Variants in KCNMA1 observed in about 807,000 individuals in gnomAD.
KCNMA1 encodes the protein potassium calcium-activated channel subfamily M alpha 1, also known as Calcium-activated potassium channel subunit alpha-1.
A neutral mutation model predicts 140.0 loss-of-function variants in KCNMA1; 29 were observed. The observed-to-expected ratio is 0.21, with a 90% confidence interval of 0.15 to 0.28. The LOEUF (loss-of-function observed/expected upper bound fraction) is 0.28. Ranked by LOEUF, KCNMA1 falls within the 10% of genes least tolerant of loss-of-function variation. The pLI is 1.00. For missense variants in KCNMA1, 880 were observed against 1,602.2 expected (o/e 0.55, Z 7.70); for synonymous variants, 612 against 611.9 (o/e 1.00, Z 0.00).
intron 1 of KCNMA1, chr10:77,493,681 G>A (rs816851): frequency 0.11 from 16,225 of 152,240 alleles, 1,173 homozygotes; most frequent in African/African-American, 0.18. Context: ...AACCCAGCAC[G>A]GGGAGCCGTG....
intron 1 of KCNMA1, among the ~76,000 whole-genome samples, chr10:77,432,071 C>T (rs1041234309): frequency 6.6e-6 from 1 of 152,136 alleles, no homozygotes; most frequent in African/African-American, 2.4e-5. Flanking sequence ...TACAGCAAGC[C>T]TCTCACACCT....
chr10:77,138,108 G>T (rs2098087003), intron 5 of KCNMA1, among the ~76,000 whole-genome samples: 1 of 152,132 alleles, frequency 6.6e-6, no homozygotes, highest in Non-Finnish European at 1.5e-5. Context: ...CAGAGTCACT[G>T]CTTCCACCAC....
chr10:77,097,190 G>A (rs969388793), intron 9 of KCNMA1, among the ~76,000 whole-genome samples: 2 of 152,170 alleles, frequency 1.3e-5, no homozygotes, highest in South Asian at 4.1e-4. Context: ...CTGATTTGGG[G>A]CATGTCCTTC....
chr10:76,911,662 T>C (rs910614777), intron 24 of KCNMA1: 2 of 152,242 alleles, frequency 1.3e-5, no homozygotes, highest in Admixed American at 1.3e-4. Context: ...CTTCTGACAT[T>C]AAATACCTGT....
intron 5 of KCNMA1, among the ~76,000 whole-genome samples, chr10:77,182,371 G>A (rs866287607): frequency 2.0e-5 from 3 of 152,270 alleles, no homozygotes; most frequent in Admixed American, 6.5e-5. Flanking sequence ...CAGAGCTGAC[G>A]GAATGTCCAT....
chr10:77,573,161 A>T (rs371385656), intron 1 of KCNMA1, among the ~76,000 whole-genome samples: 1 of 152,210 alleles, frequency 6.6e-6, no homozygotes. Context: ...TCAGCTTAAA[A>T]GTCCTTCCCA....
At chr10:76,954,389 T>C (rs2067411975) in intron 20 of KCNMA1, among the ~76,000 whole-genome samples, 1 of 152,190 alleles carries the variant, frequency 6.6e-6, no homozygotes, top group South Asian at 2.1e-4. Context: ...CTGACTGGCA[T>C]GAGGATGGAA....
intron 4 of KCNMA1, 119 bp downstream of exon 4, chr10:77,184,704 G>C (rs925173115): frequency 1.3e-6 from 1 of 751,232 alleles, no homozygotes. Flanking sequence ...ATCAGAATGC[G>C]GGTGCGCTGT....
chr10:76,891,307 T>C (rs2039959865), intron 26 of KCNMA1: 2 of 583,618 alleles, frequency 3.4e-6, no homozygotes, highest in South Asian at 2.0e-5. Flanking sequence ...TACTAGAACT[T>C]ATATCAAAGG....
At chr10:77,144,889 C>T (rs2098258572) in intron 5 of KCNMA1, among the ~76,000 whole-genome samples, 1 of 152,190 alleles carries the variant, frequency 6.6e-6, no homozygotes, top group South Asian at 2.1e-4. Context: ...AGCCTCATTT[C>T]CTCATCTCCG....
At position 77,403,918 on chromosome 10, in the gene KCNMA1, C is replaced by A; in HGVS notation, c.484G>T (p.Val162Leu). ...VAAEVGWMTS[V>L]KDWAGVMISA... is the part of the protein sequence containing the mutation. ...ATCATCACCCCCGCCCAGTCCTTCA[C>A]GGAGGTCATCCAGCCGACCTCGGCG... is the stretch of plus-strand genomic sequence containing the variant. Residue 162 changes from valine to leucine, a missense_variant, in exon 2 of 28, where the codon GTG becomes TTG. Coordinates refer to ENST00000286628, the MANE Select transcript of KCNMA1 (RefSeq NM_001161352.2). The A allele has an allele frequency of 6.2e-7, 1 of 1,614,188 alleles. No homozygotes were observed. Among genetic ancestry groups the A allele is most frequent in the Non-Finnish European group, 8.5e-7 (1 of 1,180,044 alleles).
intron 3 of KCNMA1, among the ~76,000 whole-genome samples, chr10:77,202,487 A>C (rs1428800783): frequency 6.6e-6 from 1 of 152,176 alleles, no homozygotes; most frequent in African/African-American, 2.4e-5. Flanking sequence ...CTTCACGTAC[A>C]GTTGGTGCAG....
rs199603552 is a variant in KCNMA1 at position 77,070,324 on chromosome 10, ATAAAAT to A, written c.1749+2767_1749+2772del. ...AGACTGGTCTCTACAAAAAATTAAA[ATAAAAT>A]TAAAAAGCCCAGTGGATAGTCACTG... On this transcript the variant is annotated intron_variant, in intron 14 of 27. Coordinates refer to ENST00000286628, the MANE Select transcript of KCNMA1 (RefSeq NM_001161352.2). 6.2e-3 allele frequency among the ~76,000 whole-genome samples: 946 copies of A among 152,284 alleles called. 10 individuals are homozygous for A. The highest frequency in any genetic ancestry group is 0.021 in the African/African-American group (889 of 41,560).
chr10:77,602,458 T>C (rs2082965905), intron 1 of KCNMA1, among the ~76,000 whole-genome samples: 2 of 152,204 alleles, frequency 1.3e-5, no homozygotes, highest in Admixed American at 6.5e-5. Flanking sequence ...TTTAGGTTGA[T>C]GAAAATGTTC....
intron 23 of KCNMA1, among the ~76,000 whole-genome samples, chr10:76,925,643 T>G: frequency 1.3e-5 from 2 of 152,194 alleles, no homozygotes; most frequent in East Asian, 3.9e-4. Context: ...ATAAACAGTT[T>G]CTTTATGTTC....
rs555364842 is a variant in KCNMA1 at position 77,149,401 on chromosome 10, G to A, written c.809-28353C>T. On this transcript the variant is annotated intron_variant, in intron 5 of 27. Transcript: ENST00000286628. ...TGTAATTCTAAAGTCTTCAGCTCAT[G>A]TATTTATTTCAACATTTTTTTCCTA... Among the ~76,000 whole-genome samples, 4 of 152,302 alleles carry A rather than the reference G, an allele frequency of 2.6e-5. No homozygotes were observed. In the East Asian group the frequency reaches 7.7e-4, roughly 29 times the overall value.
chr10:77,382,264 TGAGAG>T (rs2095416038), intron 2 of KCNMA1, among the ~76,000 whole-genome samples: 1 of 152,160 alleles, frequency 6.6e-6, no homozygotes, highest in South Asian at 2.1e-4. Context: ...CAGCCCCTAA[TGAGAG>T]GTGATCCTTG....
downstream of KCNMA1, among the ~76,000 whole-genome samples, chr10:76,881,863 A>T (rs116634642): frequency 1.5e-3 from 222 of 152,222 alleles, no homozygotes; most frequent in African/African-American, 5.1e-3. Context: ...AGGAAGAGGT[A>T]ACCTGGTGTT....
chr10:76,958,792 C>T (rs2069541825), intron 20 of KCNMA1, among the ~76,000 whole-genome samples: 1 of 152,166 alleles, frequency 6.6e-6, no homozygotes, highest in Non-Finnish European at 1.5e-5. Context: ...TCATCTCAGA[C>T]TTCTAGCCAC....
Sources: allele counts gnomAD v4.1 joint callset (sites outside exome capture counted in the v4.1 genomes callset), GRCh38; gene constraint gnomAD v4.1.1; transcripts MANE v1.5; gene names NCBI Gene and HGNC (gene_info 2026-07-23, HGNC 2026-07-21).